The following ZBTB7C variants were observed in gnomAD, a reference collection of about 807,000 sequenced individuals.
ZBTB7C encodes zinc finger and BTB domain containing 7C.
ZBTB7C carries 8 observed loss-of-function variants against 25.7 expected under a neutral mutation model. The ratio of observed to expected loss-of-function variants is 0.31; its 90% CI spans 0.18 to 0.56. The LOEUF is 0.56. Ranked by LOEUF, ZBTB7C falls within the 20% of genes least tolerant of loss-of-function variation. The pLI, the probability that ZBTB7C is intolerant of heterozygous loss-of-function variation, is 0.91. For synonymous variants in ZBTB7C, 394 were observed against 369.0 expected (o/e 1.07, Z -0.78); for missense variants, 824 against 855.2 (o/e 0.96, Z 0.46).
At chr18:48,089,808 C>CA (rs2038341747) in intron 3 of ZBTB7C, among the ~76,000 whole-genome samples, 1 of 152,172 alleles carries the variant, frequency 6.6e-6, no homozygotes, top group African/African-American at 2.4e-5. Flanking sequence ...AACAAACAAA[C>CA]AAACAAACTG....
chr18:48,240,112 A>G, intron 2 of ZBTB7C, among the ~76,000 whole-genome samples: 1 of 152,124 alleles, frequency 6.6e-6, no homozygotes, highest in South Asian at 2.1e-4. Flanking sequence ...AGTAGAAGAA[A>G]GAACTTCAGA....
intron 2 of ZBTB7C, among the ~76,000 whole-genome samples, chr18:48,253,443 C>T (rs925710738): frequency 1.3e-5 from 2 of 152,118 alleles, no homozygotes; most frequent in Non-Finnish European, 2.9e-5. Flanking sequence ...CACTGAAAGA[C>T]AGTGGTGCTT....
intron 2 of ZBTB7C, among the ~76,000 whole-genome samples, chr18:48,317,235 C>T (rs566702545): frequency 1.3e-4 from 17 of 126,022 alleles, no homozygotes; most frequent in African/African-American, 3.3e-4. Context: ...CCAGCCTGGG[C>T]GACAAGAGTG....
chr18:48,073,895 AG>A (rs2037653119), intron 3 of ZBTB7C, among the ~76,000 whole-genome samples: 1 of 152,142 alleles, frequency 6.6e-6, no homozygotes, highest in Admixed American at 6.5e-5. Context: ...TGTCTCCTGT[AG>A]ACCCCCAAAG....
At chr18:48,391,238 G>A (rs554966588) in intron 1 of ZBTB7C, among the ~76,000 whole-genome samples, 18 of 152,292 alleles carry the variant, frequency 1.2e-4, no homozygotes, top group African/African-American at 3.9e-4. Flanking sequence ...CACGGGCCCC[G>A]GCAGGCTGAA....
chr18:48,045,430 C>T (rs774216201), intron 3 of ZBTB7C, among the ~76,000 whole-genome samples: 1 of 152,206 alleles, frequency 6.6e-6, no homozygotes, highest in East Asian at 1.9e-4. Context: ...CTTTCCCATC[C>T]CACTTTCTGA....
intron 3 of ZBTB7C, among the ~76,000 whole-genome samples, chr18:48,066,152 A>C (rs537587469): frequency 5.3e-5 from 8 of 152,230 alleles, no homozygotes; most frequent in African/African-American, 1.9e-4. Flanking sequence ...GAGGCCCCAT[A>C]ATCCTTGCTG....
chr18:48,241,066 G>A (rs1290129564), intron 2 of ZBTB7C, among the ~76,000 whole-genome samples: 1 of 151,732 alleles, frequency 6.6e-6, no homozygotes, highest in Non-Finnish European at 1.5e-5. Context: ...TATCAGACAA[G>A]ATAGCCTTTA....
intron 1 of ZBTB7C, among the ~76,000 whole-genome samples, chr18:48,368,293 C>T (rs921821613): frequency 2.7e-5 from 4 of 148,282 alleles, no homozygotes; most frequent in South Asian, 4.3e-4. Flanking sequence ...ACTTCAGAAC[C>T]AAACAATGCA....
At chr18:48,112,482 G>A (rs1440729620) in intron 3 of ZBTB7C, among the ~76,000 whole-genome samples, 1 of 151,806 alleles carries the variant, frequency 6.6e-6, no homozygotes, top group African/African-American at 2.4e-5. Flanking sequence ...TGAGTAGCTG[G>A]GACTCCAGGC....
intron 1 of ZBTB7C, among the ~76,000 whole-genome samples, chr18:48,357,859 T>C (rs979211284): frequency 2.6e-5 from 4 of 152,204 alleles, no homozygotes; most frequent in African/African-American, 9.6e-5. Context: ...AGTAGAAGTT[T>C]TTGTTACACA....
chr18:48,405,102 C>T (rs902452613), intron 1 of ZBTB7C, among the ~76,000 whole-genome samples: 3 of 152,124 alleles, frequency 2.0e-5, no homozygotes, highest in South Asian at 4.1e-4. Context: ...CTTCCTCCAC[C>T]CCACCCCACC....
intron 2 of ZBTB7C, among the ~76,000 whole-genome samples, chr18:48,218,318 G>A (rs1160391833): frequency 1.3e-5 from 2 of 152,220 alleles, no homozygotes; most frequent in Non-Finnish European, 2.9e-5. Context: ...CTGTGCCTCT[G>A]CTGGCTCGAG....
At position 48,053,980 on chromosome 18, in the gene ZBTB7C, G is replaced by A. The variant is rs544294605; in HGVS notation, c.-16-12857C>T. 1.3e-4 allele frequency among the ~76,000 whole-genome samples: 20 copies of A among 152,338 alleles called. No homozygotes were observed. In the South Asian group the frequency reaches 1.7e-3, roughly 13 times the overall value. On this transcript the variant is annotated intron_variant, in intron 3 of 4. Transcript: ENST00000590800. The stretch of plus-strand genomic sequence containing the variant: ...GGGATTAGCTTGTGCGAAGGCATGC[G>A]CAGAGGCTGAGTGAGGATGGCACAT...
chr18:48,327,334 T>G (rs1287682192), intron 2 of ZBTB7C, among the ~76,000 whole-genome samples: 1 of 152,152 alleles, frequency 6.6e-6, no homozygotes, highest in Non-Finnish European at 1.5e-5. Context: ...CACACTGTAC[T>G]AAGCGCAGTG....
chr18:48,228,753 A>T (rs2043174401), intron 2 of ZBTB7C, among the ~76,000 whole-genome samples: 1 of 150,758 alleles, frequency 6.6e-6, no homozygotes, highest in African/African-American at 2.4e-5. Flanking sequence ...TCTCTCACAC[A>T]CACACACACA....
chr18:48,041,746 T>A lies in ZBTB7C; in HGVS notation c.-16-623A>T, dbSNP rs532367572. On this transcript the variant is annotated intron_variant, in intron 3 of 4. Coordinates refer to ENST00000590800, the MANE Select transcript of ZBTB7C (RefSeq NM_001318841.2). ...CATTTGTAAATCTTGATCCTTTTTT[T>A]AAAAAAAAAACACTAACTTCCTATA... Among the ~76,000 whole-genome samples, 829 of 149,608 alleles carry A rather than the reference T, an allele frequency of 5.5e-3. 4 individuals are homozygous for A. Among genetic ancestry groups the A allele is most frequent in the Non-Finnish European group, 8.3e-3 (557 of 67,244 alleles).
chr18:48,170,419 G>C (rs1028112562), intron 3 of ZBTB7C, among the ~76,000 whole-genome samples: 1 of 152,218 alleles, frequency 6.6e-6, no homozygotes, highest in Admixed American at 6.5e-5. Flanking sequence ...GTGAGAGCTG[G>C]GGTCTCTGAG....
chr18:48,038,532 C>T (rs961994923), intron 4 of ZBTB7C, among the ~76,000 whole-genome samples: 4 of 150,890 alleles, frequency 2.7e-5, no homozygotes, highest in Admixed American at 1.3e-4. Context: ...GGTCTCATGA[C>T]TTTAGAGGAC....
Sources: allele counts gnomAD v4.1 joint callset (sites outside exome capture counted in the v4.1 genomes callset), GRCh38; gene constraint gnomAD v4.1.1; transcripts MANE v1.5; gene names NCBI Gene and HGNC (gene_info 2026-07-23, HGNC 2026-07-21).